NEDD4L: variants seen among roughly 807,000 people sequenced by gnomAD.
NEDD4L encodes NEDD4 like E3 ubiquitin protein ligase.
NEDD4L carries 54 observed loss-of-function variants against 148.9 expected under a neutral mutation model. The observed-to-expected ratio is 0.36, with a 90% CI of 0.29 to 0.45. The LOEUF is 0.45. Ranked by LOEUF, NEDD4L falls within the 20% of genes least tolerant of loss-of-function variation. The pLI is 1.00. For synonymous variants in NEDD4L, 433 were observed against 440.7 expected (o/e 0.98, Z 0.22); for missense variants, 856 against 1,233.8 (o/e 0.69, Z 4.59).
intron 5 of NEDD4L, among the ~76,000 whole-genome samples, chr18:58,303,036 G>A (rs1054836561): frequency 6.6e-6 from 1 of 152,252 alleles, no homozygotes; most frequent in Non-Finnish European, 1.5e-5. Flanking sequence ...AAGTGAAGTA[G>A]ACACCTGCCG....
chr18:58,385,076 A>T (rs890256842), intron 25 of NEDD4L, among the ~76,000 whole-genome samples: 14 of 152,216 alleles, frequency 9.2e-5, no homozygotes, highest in African/African-American at 3.4e-4. Flanking sequence ...AATATTAGAT[A>T]ACTAAATGCA....
chr18:58,326,644 A>G (rs1166558792), intron 9 of NEDD4L, among the ~76,000 whole-genome samples: 1 of 152,246 alleles, frequency 6.6e-6, no homozygotes, highest in Non-Finnish European at 1.5e-5. Flanking sequence ...AGCATGAGAA[A>G]GGAGTACTGA....
chr18:58,275,391 C>G (rs2148874636), intron 5 of NEDD4L, among the ~76,000 whole-genome samples: 1 of 152,234 alleles, frequency 6.6e-6, no homozygotes, highest in East Asian at 1.9e-4. Flanking sequence ...CAGCTCAAAC[C>G]CATCTTGTTC....
chr18:58,165,969 G>A, intron 2 of NEDD4L, 108 bp downstream of exon 2: 1 of 883,564 alleles, frequency 1.1e-6, no homozygotes, highest in Non-Finnish European at 1.8e-6. Flanking sequence ...AGACAAAGCT[G>A]GCTGGGCCCC....
At chr18:58,073,076 TGAAG>T (rs1387459990) in intron 1 of NEDD4L, among the ~76,000 whole-genome samples, 2 of 152,122 alleles carry the variant, frequency 1.3e-5, no homozygotes, top group Non-Finnish European at 2.9e-5. Flanking sequence ...AAAACATTCT[TGAAG>T]GAAAGTAAAG....
At chr18:58,047,137 A>G (rs1045054227) in intron 1 of NEDD4L, 3 of 538,174 alleles carry the variant, frequency 5.6e-6, no homozygotes, top group Non-Finnish European at 7.1e-6. Context: ...CGCTGAAGCA[A>G]ACGGCAGGGT....
intron 28 of NEDD4L, chr18:58,390,383 G>A (rs1483942531): frequency 1.4e-5 from 5 of 347,386 alleles, no homozygotes; most frequent in Non-Finnish European, 2.7e-5. Flanking sequence ...TGAGCTTGGT[G>A]CCATCAGAGA....
intron 5 of NEDD4L, among the ~76,000 whole-genome samples, chr18:58,312,971 T>C (rs565237677): frequency 1.3e-5 from 2 of 152,334 alleles, no homozygotes; most frequent in East Asian, 3.9e-4. Flanking sequence ...TGAGCCACCG[T>C]ACCTGGCCAT....
chr18:58,153,937 G>A (rs991729964), intron 1 of NEDD4L, among the ~76,000 whole-genome samples: 12 of 152,180 alleles, frequency 7.9e-5, no homozygotes, highest in Non-Finnish European at 1.6e-4. Flanking sequence ...GTGAGTCACC[G>A]CACCCGGCCC....
chr18:58,287,643 C>T (rs147911151), intron 5 of NEDD4L, among the ~76,000 whole-genome samples: 8 of 152,268 alleles, frequency 5.3e-5, no homozygotes, highest in Non-Finnish European at 1.0e-4. Context: ...CTGCAATATG[C>T]GGTCTTACAG....
rs142722937 is a variant in NEDD4L, at chr18:58,187,719, C to T, written c.122+21858C>T. 4.1e-4 allele frequency among the ~76,000 whole-genome samples: 62 copies of T among 152,220 alleles called. No homozygotes were observed. The East Asian group carries it at 0.01, about 26-fold the overall frequency. The stretch of plus-strand genomic sequence containing the variant: ...TAATATTCAAAGACGATTAAATGCA[C>T]GATTTCCTTTTCTCATAAAAAAAGA... On this transcript the variant is annotated intron_variant, in intron 2 of 30. Transcript: ENST00000400345.
intron 1 of NEDD4L, among the ~76,000 whole-genome samples, chr18:58,057,238 C>A (rs549321933): frequency 1.6e-5 from 2 of 123,806 alleles, no homozygotes; most frequent in Non-Finnish European, 3.3e-5. Flanking sequence ...GGTAATATTA[C>A]ACCTGAAAGG....
chr18:58,126,825 C>A (rs2145895297), intron 1 of NEDD4L, among the ~76,000 whole-genome samples: 1 of 152,326 alleles, frequency 6.6e-6, no homozygotes, highest in African/African-American at 2.4e-5. Flanking sequence ...TAGCTTATTT[C>A]TTTGCAGGTG....
At chr18:58,285,884 T>C (rs925796260) in intron 5 of NEDD4L, among the ~76,000 whole-genome samples, 1 of 152,252 alleles carries the variant, frequency 6.6e-6, no homozygotes, top group African/African-American at 2.4e-5. Context: ...TTAAACAACA[T>C]GTTCAGCAAG....
intron 25 of NEDD4L, 86 bp from the exon 26 acceptor site, chr18:58,385,440 G>A: frequency 1.9e-6 from 2 of 1,062,056 alleles, no homozygotes; most frequent in Admixed American, 1.7e-5. Flanking sequence ...GTCGTGGATG[G>A]AGGAGAAGCA....
At chr18:58,234,066 T>TTTCTTTCC (rs1210711163) in intron 2 of NEDD4L, among the ~76,000 whole-genome samples, 3 of 87,334 alleles carry the variant, frequency 3.4e-5, no homozygotes, top group East Asian at 3.1e-4. Context: ...TCTTTCTTTC[T>TTTCTTTCC]TTCTTTCTTT....
At chr18:58,205,094 C>T (rs1475587337) in intron 2 of NEDD4L, among the ~76,000 whole-genome samples, 1 of 152,188 alleles carries the variant, frequency 6.6e-6, no homozygotes, top group Non-Finnish European at 1.5e-5. Context: ...ATTCTAAGAT[C>T]GACCAAGTAG....
intron 24 of NEDD4L, among the ~76,000 whole-genome samples, chr18:58,373,822 G>T (rs915187675): frequency 3.9e-5 from 6 of 152,192 alleles, no homozygotes; most frequent in Admixed American, 6.5e-5. Context: ...ATTTGGATGG[G>T]CCACTGAAAG....
intron 2 of NEDD4L, among the ~76,000 whole-genome samples, chr18:58,209,693 T>G (rs2042407111): frequency 7.2e-6 from 1 of 139,118 alleles, no homozygotes; most frequent in East Asian, 2.2e-4. Flanking sequence ...CCTAAGAAAT[T>G]AGAAAAAGAT....
Sources: gnomAD v4.1 joint callset for allele counts (sites outside exome capture counted in the v4.1 genomes callset) on GRCh38, gnomAD v4.1.1 for gene constraint, MANE v1.5 for transcripts, NCBI Gene and HGNC (gene_info 2026-07-23, HGNC 2026-07-21) for gene names.